PRAG1: variants seen among roughly 807,000 people sequenced by gnomAD.
The protein encoded by PRAG1 is inactive tyrosine-protein kinase PRAG1.
A neutral mutation model predicts 95.6 loss-of-function variants in PRAG1; 110 were observed. That is an observed-to-expected ratio of 1.15 (90% CI 0.99 to 1.35). PRAG1 has a LOEUF of 1.35. PRAG1 is among the 40% of genes most tolerant of loss of function. PRAG1 has a pLI of 0.00. For synonymous variants in PRAG1, 1,052 were observed against 819.4 expected, an observed-to-expected ratio of 1.28 and a Z score of -4.85; for missense variants, 2,554 against 1,864.7, an observed-to-expected ratio of 1.37 and a Z score of -6.81.
At chr8:8,380,873 A>AG (rs1289156811) in intron 2 of PRAG1, among the ~76,000 whole-genome samples, 3 of 142,668 alleles carry the variant, frequency 2.1e-5, no homozygotes, top group Non-Finnish European at 4.7e-5. Context: ...AAAAAAAAAA[A>AG]AAAAATTAAG....
chr8:8,335,787 T>C (rs1251376135), intron 4 of PRAG1, among the ~76,000 whole-genome samples: 3 of 152,186 alleles, frequency 2.0e-5, no homozygotes, highest in Non-Finnish European at 4.4e-5. Flanking sequence ...TTACATCTTA[T>C]CTTTCTTATT....
chr8:8,350,808 T>C (rs967263505), intron 3 of PRAG1, among the ~76,000 whole-genome samples: 4 of 152,202 alleles, frequency 2.6e-5, no homozygotes, highest in African/African-American at 4.8e-5. Context: ...TGACAATACA[T>C]ACCTCATGCA....
chr8:8,318,521 T>A lies in PRAG1; in HGVS notation c.3854A>T (p.Glu1285Val), dbSNP rs769767274. 6.2e-7 allele frequency: 1 copy of A among 1,611,950 alleles called. No individual in the cohort carries two copies. Residue 1285 changes from glutamate (E) to valine (V), a missense_variant, in exon 6 of 6, where the codon GAG becomes GTG. By Grantham distance (121) the Glu-to-Val change is moderately radical. Transcript: ENST00000615670. The surrounding 1 kb of genome is among the most constrained non-coding windows in gnomAD (Gnocchi z 4.2). ...CAGCGCGGGCAGCGGCGGCAGGTCC[T>A]CCTGCCGGTAGTCTCTCTCCCGCAG... ...AQLRERDYRQ[E>V]DLPPLPALSL...
intron 3 of PRAG1, among the ~76,000 whole-genome samples, chr8:8,349,779 T>A (rs1210315568): frequency 6.6e-6 from 1 of 152,212 alleles, no homozygotes; most frequent in African/African-American, 2.4e-5. Context: ...GTGGTCCCCA[T>A]GGTGCAGGCC....
intron 3 of PRAG1, among the ~76,000 whole-genome samples, chr8:8,359,519 A>C (rs187781186): frequency 6.6e-6 from 1 of 152,330 alleles, no homozygotes; most frequent in Admixed American, 6.5e-5. Flanking sequence ...GATAGCTCTA[A>C]GGTCTTGCAC....
rs1798350566 is a variant in PRAG1, at chr8:8,318,446, G to C, written c.3929C>G (p.Ala1310Gly). 6.2e-7 allele frequency: 1 copy of C among 1,612,270 alleles called. No individual in the cohort carries two copies. The highest frequency in any genetic ancestry group is 8.5e-7 in the Non-Finnish European group (1 of 1,179,798). Residue 1310 changes from alanine (A) to glycine (G), a missense_variant, in exon 6 of 6, where the codon GCC (alanine) becomes GGC (glycine). By Grantham distance (60) the Ala-to-Gly change is moderately conservative. Transcript: ENST00000615670. The surrounding 1 kb of genome is among the most constrained non-coding windows in gnomAD (Gnocchi z 4.2). ...GATGCGGATACGCTTGATGGGGTCG[G>C]CCTCCAGTAGCAGATGTGCCAGCTG... ...LQQLAHLLLE[A>G]DPIKRIRIGE...
At chr8:8,354,826 G>A (rs1298512231) in intron 3 of PRAG1, among the ~76,000 whole-genome samples, 1 of 152,046 alleles carries the variant, frequency 6.6e-6, no homozygotes, top group Non-Finnish European at 1.5e-5. Flanking sequence ...CATAATCAAT[G>A]GGGAACAACT....
intron 3 of PRAG1, among the ~76,000 whole-genome samples, chr8:8,343,650 A>G (rs1032920884): frequency 6.6e-6 from 1 of 152,250 alleles, no homozygotes; most frequent in African/African-American, 2.4e-5. Context: ...ATATGAGTCA[A>G]CAAACTTTTC....
chr8:8,366,609 C>T (rs1800016516), intron 3 of PRAG1, among the ~76,000 whole-genome samples: 1 of 151,936 alleles, frequency 6.6e-6, no homozygotes, highest in African/African-American at 2.4e-5. Context: ...CCACTGAGCC[C>T]AGCTGGGAAC....
Position 8,376,711 on chromosome 8 carries a change from TG to T in PRAG1, c.1697del (p.Pro566GlnfsTer74). Reference protein sequence around the residue: ...SPVSPSAGGPPVSPLADLSDG... With the variant: ...SPVSPSAGGPXVSPLADLSDG... Reference sequence around the variant, plus strand: ...CACTAAGGTCAGCCAGCGGTGACACTGGGGGCCCTCCAGCAGACGGTGACAC... The same window carrying T: ...CACTAAGGTCAGCCAGCGGTGACACTGGGGCCCTCCAGCAGACGGTGACAC... On this transcript the variant is annotated frameshift_variant, in exon 3 of 6. Coordinates refer to ENST00000615670, the MANE Select transcript of PRAG1 (RefSeq NM_001080826.3). LOFTEE classifies it high-confidence loss of function. 2 of 1,610,792 alleles carry T rather than the reference TG, an allele frequency of 1.2e-6. No homozygotes were observed. Among genetic ancestry groups the T allele is most frequent in the Non-Finnish European group, 1.7e-6 (2 of 1,179,954 alleles).
At position 8,318,021 on chromosome 8, in the gene PRAG1, T is replaced by C. The variant is rs1252485699; in HGVS notation, c.*133A>G. 1.2e-5 allele frequency: 8 copies of C among 661,342 alleles called. No homozygotes were observed. Among genetic ancestry groups the C allele is most frequent in the Non-Finnish European group, 1.8e-5 (8 of 439,056 alleles). 41.0% of individuals were successfully genotyped at this position (661,342 alleles called of 1,614,324 possible). A position where few individuals can be genotyped will look rare whatever the true frequency, so the allele number is the denominator to read the frequency against. The stretch of plus-strand genomic sequence containing the variant: ...ATATGGTATATGTATTTTCTATATA[T>C]ATATTTATATATTTTACATCCAGGT... On this transcript the variant is annotated 3_prime_UTR_variant, in exon 6 of 6. Coordinates refer to ENST00000615670, the MANE Select transcript of PRAG1 (RefSeq NM_001080826.3). The surrounding 1 kb of genome is among the most constrained non-coding windows in gnomAD (Gnocchi z 4.2).
chr8:8,336,789 T>G (rs1309542725), intron 4 of PRAG1, among the ~76,000 whole-genome samples: 1 of 152,148 alleles, frequency 6.6e-6, no homozygotes, highest in Non-Finnish European at 1.5e-5. Context: ...AGTGGCATTT[T>G]GCCACTGAAA....
intron 5 of PRAG1, among the ~76,000 whole-genome samples, chr8:8,327,170 TAACTC>T (rs1277856882): frequency 2.0e-5 from 3 of 152,214 alleles, no homozygotes; most frequent in Admixed American, 6.5e-5. Context: ...ACTGTTTTCT[TAACTC>T]AGCTAAAGCA....
chr8:8,372,567 G>C (rs756795362), intron 3 of PRAG1, among the ~76,000 whole-genome samples: 1 of 152,186 alleles, frequency 6.6e-6, no homozygotes, highest in Non-Finnish European at 1.5e-5. Context: ...TACCCGCCTG[G>C]GTTGGAGGGT....
At chr8:8,358,316 C>G (rs1478870749) in intron 3 of PRAG1, among the ~76,000 whole-genome samples, 1 of 152,216 alleles carries the variant, frequency 6.6e-6, no homozygotes, top group Non-Finnish European at 1.5e-5. Context: ...AAGGAAACCC[C>G]AGAGGTTCTG....
At position 8,381,669 on chromosome 8, in the gene PRAG1, G is replaced by A. The variant is rs769467521; in HGVS notation, c.79C>T (p.Pro27Ser). The change falls in exon 2 of 6, where the codon CCC becomes TCC. Residue 27 changes from proline (P) to serine (S), a missense_variant. Pro to Ser is a moderately conservative substitution (Grantham distance 74). Coordinates refer to ENST00000615670, the MANE Select transcript of PRAG1 (RefSeq NM_001080826.3). ...CSDFVEHIWK[P>S]GSCKNCFCLR... ...CAGAAGCAGTTCTTGCAGGACCCGG[G>A]TTTCCAGATGTGCTCCACAAAGTCA... 3.3e-5 allele frequency: 53 copies of A among 1,613,550 alleles called. No individual in the cohort carries two copies. The highest frequency in any genetic ancestry group is 4.2e-5 in the Non-Finnish European group (50 of 1,179,710).
At chr8:8,340,243 C>G (rs1017635217) in intron 3 of PRAG1, among the ~76,000 whole-genome samples, 1 of 152,210 alleles carries the variant, frequency 6.6e-6, no homozygotes, top group African/African-American at 2.4e-5. Flanking sequence ...TGGAACCAAC[C>G]TTTTGCTTTT....
intron 1 of PRAG1, among the ~76,000 whole-genome samples, chr8:8,383,437 C>T (rs766197004): frequency 2.6e-5 from 4 of 151,898 alleles, no homozygotes; most frequent in Admixed American, 6.6e-5. Flanking sequence ...AAAAACTATC[C>T]AGGTGTAGCC....
rs544882799 is a variant in PRAG1, at chr8:8,334,858, G to A, written c.2320+4620C>T. ...AGCACTTTGGGAGGCTGAGGTGAGC[G>A]GATCACTTGAGGTCAGGAGTTTGAG... On this transcript the variant is annotated intron_variant, in intron 4 of 5. Transcript: ENST00000615670. 3.3e-3 allele frequency among the ~76,000 whole-genome samples: 496 copies of A among 152,012 alleles called. 4 individuals are homozygous for A. Among genetic ancestry groups the A allele is most frequent in the African/African-American group, 0.011 (461 of 41,446 alleles).
Sources: gnomAD v4.1 joint callset for allele counts (sites outside exome capture counted in the v4.1 genomes callset) on GRCh38, gnomAD v4.1.1 for gene constraint, Gnocchi (gnomAD v3.1) non-coding constraint, MANE v1.5 for transcripts, NCBI Gene and HGNC (gene_info 2026-07-23, HGNC 2026-07-21) for gene names.